TUBA4A: variants seen among roughly 807,000 people sequenced by gnomAD.
TUBA4A encodes tubulin alpha-4A chain.
TUBA4A carries 23 observed loss-of-function variants against 34.3 expected under a neutral mutation model. That is an observed-to-expected ratio of 0.67 (90% CI 0.48 to 0.95). The LOEUF is 0.95. TUBA4A is among the 40% of genes least tolerant of loss of function. The pLI, the probability that TUBA4A is intolerant of heterozygous loss-of-function variation, is 0.00. For synonymous variants in TUBA4A, 216 were observed against 230.5 expected, an observed-to-expected ratio of 0.94 and a Z score of 0.57; for missense variants, 279 against 599.0, an observed-to-expected ratio of 0.47 and a Z score of 5.58.
intron 1 of TUBA4A, chr2:219,253,221 C>T (rs1213938514): frequency 6.0e-6 from 9 of 1,492,494 alleles, no homozygotes; most frequent in Non-Finnish European, 8.1e-6. Flanking sequence ...GGCCTCGGCC[C>T]GCGCAGTGCT....
chr2:219,253,025 C>A, intron 1 of TUBA4A: 1 of 720,286 alleles, frequency 1.4e-6, no homozygotes, highest in East Asian at 4.7e-5. Context: ...TGCGGTGAGG[C>A]CCCAGAGGTG....
chr2:219,252,150 A>C lies in TUBA4A; in HGVS notation c.84T>G (p.His28Gln). ...NACWELYCLE[H>Q]GIQPDGQMPS... ...GCATCTGCCCATCAGGCTGAATCCC[A>C]TGTTCCAAGCAATAGAGCTCCCAGC... Residue 28 changes from histidine (H) to glutamine (Q), a missense_variant, in exon 2 of 4, where the codon CAT becomes CAG. Around this residue, in one of 3 missense-constraint regions of TUBA4A, gnomAD observed 98 missense variants for 171.1 expected, o/e 0.57. Coordinates refer to ENST00000248437, the MANE Select transcript of TUBA4A (RefSeq NM_006000.3). The surrounding 1 kb of genome is among the most constrained non-coding windows in gnomAD (Gnocchi z 4.1). 1 of 1,614,176 alleles carries C rather than the reference A, an allele frequency of 6.2e-7. No individual in the cohort carries two copies. The highest frequency in any genetic ancestry group is 2.2e-5 in the East Asian group (1 of 44,884).
Position 219,251,379 on chromosome 2 carries a change from C to G in TUBA4A, c.376-56G>C, listed in dbSNP as rs975906857. The G allele has an allele frequency of 2.6e-6, 4 of 1,548,716 alleles. No homozygotes were observed. Among genetic ancestry groups the G allele is most frequent in the African/African-American group, 1.4e-5 (1 of 72,832 alleles). The stretch of plus-strand genomic sequence containing the variant: ...AGGTAGGGGAGGGGCCTGAGGGACT[C>G]TATCACCTGGCTCCATAAAGCGTAA... On this transcript the variant is annotated intron_variant, in intron 3 of 3. Coordinates refer to ENST00000248437, the MANE Select transcript of TUBA4A (RefSeq NM_006000.3). The surrounding 1 kb of genome is among the most constrained non-coding windows in gnomAD (Gnocchi z 6.1).
Position 219,251,472 on chromosome 2 carries a change from T to A in TUBA4A, c.375+93A>T. The A allele has an allele frequency of 6.5e-7, 1 of 1,550,250 alleles. No homozygotes were observed. Among genetic ancestry groups the A allele is most frequent in the Non-Finnish European group, 8.8e-7 (1 of 1,142,688 alleles). ...GCACCACACTCGAGACCATGTATAG[T>A]TAGAGATGACCTCCTGAAAGGATCT... On this transcript the variant is annotated intron_variant, in intron 3 of 3. Transcript: ENST00000248437. The surrounding 1 kb of genome is among the most constrained non-coding windows in gnomAD (Gnocchi z 6.1).
chr2:219,253,494 A>C, intron 1 of TUBA4A: 1 of 1,233,598 alleles, frequency 8.1e-7, no homozygotes, highest in Non-Finnish European at 1.1e-6. Context: ...CTGGGGATGT[A>C]AGAGGGCAGC....
In TUBA4A at chr2:219,250,968, A is replaced by C; in HGVS notation, c.731T>G (p.Phe244Cys). 2 of 1,614,186 alleles carry C rather than the reference A, an allele frequency of 1.2e-6. No individual in the cohort carries two copies. Among genetic ancestry groups the C allele is most frequent in the Non-Finnish European group, 1.7e-6 (2 of 1,180,018 alleles). Residue 244 changes from phenylalanine to cysteine, a missense_variant, in exon 4 of 4, where the codon TTT (phenylalanine) becomes TGT (cysteine). Transcript: ENST00000248437. The surrounding 1 kb of genome is among the most constrained non-coding windows in gnomAD (Gnocchi z 8.4). The part of the protein sequence containing the change: ...IVSSITASLR[F>C]DGALNVDLTE... Reference sequence around the variant, plus strand: ...CAGGTCCACATTGAGGGCCCCGTCAAAGCGCAGAGAAGCTGTGATGGAGGA... The same window carrying C: ...CAGGTCCACATTGAGGGCCCCGTCACAGCGCAGAGAAGCTGTGATGGAGGA...
Position 219,252,637 on chromosome 2 carries a change from C to T in TUBA4A, c.4-407G>A, listed in dbSNP as rs552497418. 2.5e-6 allele frequency: 1 copy of T among 397,208 alleles called. No homozygotes were observed. Among genetic ancestry groups the T allele is most frequent in the Non-Finnish European group, 5.3e-6 (1 of 188,522 alleles). 24.6% of individuals were successfully genotyped at this position (397,208 alleles called of 1,614,324 possible). ...TCTTTCCTGTAAGCTGCAGAGGTGTCTCAGCCATCCAATCTGGCATCAACT... is the reference window on the plus strand; with the variant it reads ...TCTTTCCTGTAAGCTGCAGAGGTGTTTCAGCCATCCAATCTGGCATCAACT... On this transcript the variant is annotated intron_variant, in intron 1 of 3. Coordinates refer to ENST00000248437, the MANE Select transcript of TUBA4A (RefSeq NM_006000.3). This position sits in a 1 kb window ranked among gnomAD's most constrained non-coding sequence, Gnocchi z 4.1.
In TUBA4A at chr2:219,250,608, G is replaced by A; in HGVS notation, c.1091C>T (p.Pro364Leu). The A allele has an allele frequency of 2.5e-6, 4 of 1,614,264 alleles. No individual in the cohort carries two copies. Among genetic ancestry groups the A allele is most frequent in the Non-Finnish European group, 2.5e-6 (3 of 1,180,042 alleles). The change falls in exon 4 of 4, where the codon CCT becomes CTT. Residue 364 changes from proline to leucine, a missense_variant. Pro to Leu is a moderately conservative substitution (Grantham distance 98). Coordinates refer to ENST00000248437, the MANE Select transcript of TUBA4A (RefSeq NM_006000.3). This position sits in a 1 kb window ranked among gnomAD's most constrained non-coding sequence, Gnocchi z 8.4. ...CTGCACCTTGGCCAGGTCACCCCCA[G>A]GCACCACAGTGGGAGGCTGGTAGTT... ...GINYQPPTVVPGGDLAKVQRA... is the reference protein window; with the variant it reads ...GINYQPPTVVLGGDLAKVQRA...
chr2:219,253,241 C>G (rs899141219), intron 1 of TUBA4A: 1 of 1,492,236 alleles, frequency 6.7e-7, no homozygotes, highest in African/African-American at 1.4e-5. Flanking sequence ...TCAGCGCCAG[C>G]TGTCTCTGCC....
Position 219,253,829 on chromosome 2 carries a change from G to T in TUBA4A, c.3+27C>A, listed in dbSNP as rs756343879. ...AAGGAGAGGGGCAATTAGGGGACAG[G>T]CGCGACCCCGGCCGGGCCGCACTCA... On this transcript the variant is annotated intron_variant, in intron 1 of 3. Coordinates refer to ENST00000248437, the MANE Select transcript of TUBA4A (RefSeq NM_006000.3). 3.3e-6 allele frequency: 5 copies of T among 1,521,818 alleles called. No homozygotes were observed. The Admixed American group carries it at 7.0e-5, about 21-fold the overall frequency. 94.3% of individuals were successfully genotyped at this position (1,521,818 alleles called of 1,614,324 possible). A position where few individuals can be genotyped will look rare whatever the true frequency, so the allele number is the denominator to read the frequency against.
At position 219,252,362 on chromosome 2, in the gene TUBA4A, C is replaced by T; in HGVS notation, c.4-132G>A. 1.1e-6 allele frequency: 1 copy of T among 910,738 alleles called. No individual in the cohort carries two copies. The highest frequency in any genetic ancestry group is 1.7e-6 in the Non-Finnish European group (1 of 599,816). The allele number at this position is 910,738 out of a possible 1,614,324, so 56.4% of individuals were successfully genotyped here. On this transcript the variant is annotated intron_variant, in intron 1 of 3. Transcript: ENST00000248437. The surrounding 1 kb of genome is among the most constrained non-coding windows in gnomAD (Gnocchi z 4.1). ...GCAAGAGTGGAGGGTTGGGGCTGGG[C>T]AGAGGTGAGAAGAGAGTAGCAGCCT...
At chr2:219,253,814 G>A in intron 1 of TUBA4A, 42 bp downstream of exon 1, 1 of 1,531,654 alleles carries the variant, frequency 6.5e-7, no homozygotes. Context: ...AAGGAGAGGG[G>A]CAATTAGGGG....
rs972182978 is a variant in TUBA4A, at chr2:219,252,289, C to T, written c.4-59G>A. 44 of 1,487,480 alleles carry T rather than the reference C, an allele frequency of 3.0e-5. No individual in the cohort carries two copies. The highest frequency in any genetic ancestry group is 1.8e-4 in the African/African-American group (13 of 72,494). 92.1% of individuals were successfully genotyped at this position (1,487,480 alleles called of 1,614,324 possible). A position where few individuals can be genotyped will look rare whatever the true frequency, so the allele number is the denominator to read the frequency against. On this transcript the variant is annotated intron_variant, in intron 1 of 3. Transcript: ENST00000248437. The surrounding 1 kb of genome is among the most constrained non-coding windows in gnomAD (Gnocchi z 4.1). ...CCCACATCCACAAGTCCTCACCTTG[C>T]GAGTCTCTCTTCCACCCTATCATCT...
chr2:219,253,738 G>T lies in TUBA4A; in HGVS notation c.3+118C>A. 11 of 1,256,790 alleles carry T rather than the reference G, an allele frequency of 8.8e-6. No homozygotes were observed. In the South Asian group the frequency reaches 9.7e-5, roughly 11 times the overall value. 77.9% of individuals were successfully genotyped at this position (1,256,790 alleles called of 1,614,324 possible). On this transcript the variant is annotated intron_variant, in intron 1 of 3. Coordinates refer to ENST00000248437, the MANE Select transcript of TUBA4A (RefSeq NM_006000.3). Reference sequence around the variant, plus strand: ...TGGGGAGGGAGGATGCAAAACCCTCGCACCTCCTGGAGACCCGGAACGCCC... The same window carrying T: ...TGGGGAGGGAGGATGCAAAACCCTCTCACCTCCTGGAGACCCGGAACGCCC...
rs770910730 is a variant in TUBA4A, at chr2:219,250,776, C to T, written c.923G>A (p.Arg308Gln). Residue 308 changes from arginine to glutamine, a missense_variant, in exon 4 of 4, where the codon CGG becomes CAG. This residue lies in a region of TUBA4A where 108 missense variants were observed against 299.9 expected (regional missense o/e 0.36). Coordinates refer to ENST00000248437, the MANE Select transcript of TUBA4A (RefSeq NM_006000.3). The surrounding 1 kb of genome is among the most constrained non-coding windows in gnomAD (Gnocchi z 8.4). Reference sequence around the variant, plus strand: ...GCAGCAGGCCATGTACTTGCCGTGCCGGGGATCACACTTTACCATCTGGTT... The same window carrying T: ...GCAGCAGGCCATGTACTTGCCGTGCTGGGGATCACACTTTACCATCTGGTT... ...PANQMVKCDP[R>Q]HGKYMACCLL... 28 of 1,614,112 alleles carry T rather than the reference C, an allele frequency of 1.7e-5. No individual in the cohort carries two copies. The highest frequency in any genetic ancestry group is 1.9e-5 in the Non-Finnish European group (22 of 1,180,040).
chr2:219,253,116 A>G, intron 1 of TUBA4A: 1 of 1,477,496 alleles, frequency 6.8e-7, no homozygotes, highest in Non-Finnish European at 9.2e-7. Flanking sequence ...CTTTACAGTT[A>G]TTTCCCAGCC....
In TUBA4A at chr2:219,252,537, G is replaced by A; in HGVS notation, c.4-307C>T. ...TCCTAGAGGTATGGGTTTACAGCTA[G>A]AGGCCCCCCCCCCACTTGATTAATT... On this transcript the variant is annotated intron_variant, in intron 1 of 3. Transcript: ENST00000248437. The surrounding 1 kb of genome is among the most constrained non-coding windows in gnomAD (Gnocchi z 4.1). Among the ~76,000 whole-genome samples, 1 of 146,728 alleles carries A rather than the reference G, an allele frequency of 6.8e-6. No individual in the cohort carries two copies. Among genetic ancestry groups the A allele is most frequent in the Non-Finnish European group, 1.5e-5 (1 of 67,172 alleles).
chr2:219,253,182 C>A, intron 1 of TUBA4A: 3 of 1,510,938 alleles, frequency 2.0e-6, no homozygotes, highest in Non-Finnish European at 2.7e-6. Flanking sequence ...CCACCCCCTA[C>A]ATGCACCTCT....
intron 1 of TUBA4A, chr2:219,253,564 C>A: frequency 1.3e-6 from 1 of 772,748 alleles, no homozygotes; most frequent in Non-Finnish European, 2.2e-6. Context: ...GACTCTCATA[C>A]AGAGTCGGGA....
Sources: allele counts gnomAD v4.1 joint callset (sites outside exome capture counted in the v4.1 genomes callset), GRCh38; gene constraint gnomAD v4.1.1; regional missense constraint gnomAD v4.1.1; non-coding constraint Gnocchi (gnomAD v3.1); transcripts MANE v1.5; gene names NCBI Gene and HGNC (gene_info 2026-07-23, HGNC 2026-07-21).